RBFOX1: variants seen among roughly 807,000 people sequenced by gnomAD.
RBFOX1 encodes the protein RNA binding fox-1 homolog 1, also known as RNA binding protein fox-1 homolog 1.
A neutral mutation model predicts 57.7 loss-of-function variants in RBFOX1; 8 were observed. The observed-to-expected ratio is 0.14, with a 90% confidence interval of 0.08 to 0.25. RBFOX1 has a LOEUF of 0.25. Among genes scored for constraint, RBFOX1 ranks in the 10% least tolerant of loss-of-function variants. The pLI is 1.00. For missense variants in RBFOX1, 611 were observed against 548.5 expected (o/e 1.11, Z -1.14); for synonymous variants, 326 against 222.4 (o/e 1.47, Z -4.15).
At chr16:6,173,604 CTTTT>C (rs35528338) in intron 1 of RBFOX1, among the ~76,000 whole-genome samples, 10 of 70,948 alleles carry the variant, frequency 1.4e-4, no homozygotes, top group Non-Finnish European at 1.9e-4. Context: ...TGACCACTCC[CTTTT>C]TTTTTTTTTT....
chr16:6,348,022 C>A (rs78798219), intron 2 of RBFOX1, among the ~76,000 whole-genome samples: 1 of 152,146 alleles, frequency 6.6e-6, no homozygotes, highest in Admixed American at 6.5e-5. Flanking sequence ...GAAACCCAGC[C>A]CGTTCATACC....
chr16:6,702,147 C>T lies in RBFOX1; in HGVS notation c.-16+47497C>T, dbSNP rs551688856. On this transcript the variant is annotated intron_variant, in intron 3 of 15. Transcript: ENST00000550418. ...GGTAAATCACTCATTACAGCAGGGA[C>T]GGAACCAAGCCGTTCATAAGGGATC... 8.5e-5 allele frequency among the ~76,000 whole-genome samples: 13 copies of T among 152,240 alleles called. No homozygotes were observed. In the South Asian group the frequency reaches 1.0e-3, roughly 12 times the overall value.
At chr16:5,425,429 C>T (rs1333480824) in intron 1 of RBFOX1, among the ~76,000 whole-genome samples, 2 of 152,008 alleles carry the variant, frequency 1.3e-5, no homozygotes. Context: ...TATGCTAAGT[C>T]CCCAAACGTA....
intron 1 of RBFOX1, among the ~76,000 whole-genome samples, chr16:6,172,332 C>T (rs2096967302): frequency 6.6e-6 from 1 of 152,160 alleles, no homozygotes; most frequent in Non-Finnish European, 1.5e-5. Flanking sequence ...GAAGGGAAAG[C>T]AGGAATGAGT....
intron 4 of RBFOX1, among the ~76,000 whole-genome samples, chr16:7,265,504 A>G (rs1169162655): frequency 2.0e-5 from 3 of 151,818 alleles, no homozygotes; most frequent in Non-Finnish European, 2.9e-5. Context: ...GCTGGAGTGC[A>G]GTGGCACGAT....
At chr16:6,901,483 G>T (rs978022651) in intron 3 of RBFOX1, among the ~76,000 whole-genome samples, 1 of 152,140 alleles carries the variant, frequency 6.6e-6, no homozygotes, top group Admixed American at 6.5e-5. Flanking sequence ...CTCTTCCTTA[G>T]CCCATGACTC....
chr16:5,800,572 G>A lies in RBFOX1; in HGVS notation c.319-66731G>A, dbSNP rs1184841470. On this transcript the variant is annotated intron_variant, in intron 3 of 19. Transcript: ENST00000641259. ...CTGGGACAGATGACCAAGGATGTGT[G>A]GAATTGGAGGACACGGGATGGTGAA... 2.0e-5 allele frequency among the ~76,000 whole-genome samples: 3 copies of A among 152,248 alleles called. No individual in the cohort carries two copies. The East Asian group carries it at 5.8e-4, about 30-fold the overall frequency.
chr16:7,166,972 C>CTTTTTTTTTTTTTTTTTTTTTTTTT lies in RBFOX1; in HGVS notation c.27+114885_27+114909dup, dbSNP rs537293692. On this transcript the variant is annotated intron_variant, in intron 4 of 15. Transcript: ENST00000550418. ...AGCCCCAGATTGCTGCATTGGTGTTCTTTTTTTTTTTTTTTTTTTTTTTTT... is the reference window on the plus strand; with the variant it reads ...AGCCCCAGATTGCTGCATTGGTGTTCTTTTTTTTTTTTTTTTTTTTTTTTTTTTTTTTTTTTTTTTTTTTTTTTTT... 3.9e-4 allele frequency among the ~76,000 whole-genome samples: 19 copies of CTTTTTTTTTTTTTTTTTTTTTTTTT among 49,114 alleles called. 3 individuals are homozygous for CTTTTTTTTTTTTTTTTTTTTTTTTT. Among genetic ancestry groups the CTTTTTTTTTTTTTTTTTTTTTTTTT allele is most frequent in the South Asian group, 1.1e-3 (1 of 892 alleles). The allele number at this position is 49,114 out of a possible 152,430, so 32.2% of individuals were successfully genotyped here. A position where few individuals can be genotyped will look rare whatever the true frequency, so the allele number is the denominator to read the frequency against.
intron 3 of RBFOX1, among the ~76,000 whole-genome samples, chr16:6,906,491 T>TA (rs897926886): frequency 2.6e-4 from 39 of 151,968 alleles, no homozygotes; most frequent in African/African-American, 8.4e-4. Flanking sequence ...GTGTATGCAT[T>TA]AAAAAAAAGT....
intron 4 of RBFOX1, among the ~76,000 whole-genome samples, chr16:5,925,977 G>A (rs555026161): frequency 6.4e-4 from 98 of 152,088 alleles, no homozygotes; most frequent in Non-Finnish European, 1.2e-3. Flanking sequence ...ATTGTCTATT[G>A]TCCTCTGTTT....
At chr16:6,437,494 G>A (rs2191431) in intron 2 of RBFOX1, among the ~76,000 whole-genome samples, 505 of 152,296 alleles carry the variant, frequency 3.3e-3, no homozygotes, top group African/African-American at 0.012. Flanking sequence ...CACTGACACT[G>A]CTTCATTAGG....
intron 1 of RBFOX1, among the ~76,000 whole-genome samples, chr16:6,111,231 G>C (rs1275485217): frequency 6.6e-6 from 1 of 152,164 alleles, no homozygotes; most frequent in African/African-American, 2.4e-5. Context: ...CGTCTCATCA[G>C]TCAGAACAGA....
chr16:6,405,376 A>T (rs1293409268), intron 2 of RBFOX1, among the ~76,000 whole-genome samples: 1 of 152,194 alleles, frequency 6.6e-6, no homozygotes, highest in Non-Finnish European at 1.5e-5. Context: ...CAAAGCTTTC[A>T]TATGTCCAGT....
At chr16:7,187,055 C>A (rs534428509) in intron 4 of RBFOX1, among the ~76,000 whole-genome samples, 2 of 149,642 alleles carry the variant, frequency 1.3e-5, no homozygotes, top group African/African-American at 5.0e-5. Context: ...GTGGTCCCAG[C>A]TACTTGGGAG....
In RBFOX1 at chr16:7,220,244, A is replaced by T. The variant is rs80008006; in HGVS notation, c.27+168146A>T. Among the ~76,000 whole-genome samples, 858 of 152,222 alleles carry T rather than the reference A, an allele frequency of 5.6e-3. 9 individuals are homozygous for T. Among genetic ancestry groups the T allele is most frequent in the Non-Finnish European group, 9.1e-3 (617 of 68,012 alleles). ...GAAGCAAGTAAGAGAAGGATAATTC[A>T]ATATAGTACTCGTCAGTGGGCGTCT... On this transcript the variant is annotated intron_variant, in intron 4 of 15. Transcript: ENST00000550418.
intron 14 of RBFOX1, among the ~76,000 whole-genome samples, chr16:7,687,993 T>G (rs1399942968): frequency 6.6e-6 from 1 of 152,028 alleles, no homozygotes; most frequent in African/African-American, 2.4e-5. Flanking sequence ...CATTGGTATT[T>G]TATTTAAAAA....
intron 4 of RBFOX1, among the ~76,000 whole-genome samples, chr16:7,058,474 C>G (rs948355496): frequency 3.3e-5 from 5 of 152,184 alleles, no homozygotes; most frequent in Non-Finnish European, 5.9e-5. Flanking sequence ...GACTTTGCAA[C>G]TTAGCACTTT....
chr16:5,366,709 T>C, intron 1 of RBFOX1: 1 of 388,454 alleles, frequency 2.6e-6, no homozygotes, highest in Non-Finnish European at 4.9e-6. Flanking sequence ...TTTAAACAAT[T>C]TGTTAAAAAT....
At chr16:5,756,639 G>T (rs7201928) in intron 3 of RBFOX1, among the ~76,000 whole-genome samples, 1 of 151,968 alleles carries the variant, frequency 6.6e-6, no homozygotes, top group Non-Finnish European at 1.5e-5. Flanking sequence ...CCTGCTGCCT[G>T]CCTTTCCAGC....
Sources: allele counts gnomAD v4.1 joint callset (sites outside exome capture counted in the v4.1 genomes callset), GRCh38; gene constraint gnomAD v4.1.1; transcripts MANE v1.5; gene names NCBI Gene and HGNC (gene_info 2026-07-23, HGNC 2026-07-21).